Variants in PLOD2 observed in about 807,000 individuals in gnomAD.
The protein encoded by PLOD2 is procollagen-lysine,2-oxoglutarate 5-dioxygenase 2, also known as lysine hydroxylase 2.
A neutral mutation model predicts 101.0 loss-of-function variants in PLOD2; 65 were observed. That is an observed-to-expected ratio of 0.64 (90% CI 0.53 to 0.79). The LOEUF (loss-of-function observed/expected upper bound fraction) is 0.79, where lower values mean the gene tolerates loss of function less well. Among genes scored for constraint, PLOD2 ranks in the 30% least tolerant of loss-of-function variants. The pLI is 0.00. For synonymous variants in PLOD2, 314 were observed against 302.9 expected, an observed-to-expected ratio of 1.04 and a Z score of -0.38; for missense variants, 909 against 914.6, an observed-to-expected ratio of 0.99 and a Z score of 0.08.
chr3:146,079,792 C>A (rs2108007354), intron 12 of PLOD2, among the ~76,000 whole-genome samples: 1 of 152,036 alleles, frequency 6.6e-6, no homozygotes, highest in Middle Eastern at 3.4e-3. Context: ...CCTCCAAAAG[C>A]CAGTTGTTAC....
intron 15 of PLOD2, chr3:146,076,251 C>A (rs1392866300): frequency 3.3e-5 from 5 of 151,842 alleles, no homozygotes; most frequent in Non-Finnish European, 5.9e-5. Context: ...CCAGTTCTCT[C>A]CATGTTGCTG....
intron 8 of PLOD2, 116 bp from the exon 9 acceptor site, chr3:146,088,827 A>C: frequency 2.2e-6 from 2 of 908,138 alleles, no homozygotes; most frequent in Non-Finnish European, 3.4e-6. Context: ...ATTCAACATA[A>C]TCTGCTAAAT....
chr3:146,101,234 G>A (rs1319773181), intron 7 of PLOD2, among the ~76,000 whole-genome samples: 5 of 152,134 alleles, frequency 3.3e-5, no homozygotes, highest in African/African-American at 9.7e-5. Flanking sequence ...ATTCACTGAT[G>A]AGGAAATGAC....
chr3:146,076,846 G>C lies in PLOD2; in HGVS notation c.1613C>G (p.Ser538Cys), dbSNP rs201821424. 3 of 1,591,950 alleles carry C rather than the reference G, an allele frequency of 1.9e-6. No individual in the cohort carries two copies. In the African/African-American group the frequency reaches 4.0e-5, roughly 21 times the overall value. Residue 538 changes from serine (S) to cysteine (C), a missense_variant, in exon 15 of 20, where the codon TCC (serine) becomes TGC (cysteine). By Grantham distance (112) the Ser-to-Cys change is moderately radical. Coordinates refer to ENST00000282903, the MANE Select transcript of PLOD2 (RefSeq NM_182943.3). ...SNRHEFGRLL[S>C]TANYNTSHYN... ...ATGGGAAGTATTGTAATTAGCAGTG[G>C]ATAATAGCCTTCCAAATTCATGTCT...
chr3:146,136,373 T>C (rs2031229408), intron 1 of PLOD2, among the ~76,000 whole-genome samples: 1 of 152,170 alleles, frequency 6.6e-6, no homozygotes. Context: ...AGACCACAAG[T>C]GTAAAATTCT....
chr3:146,109,748 C>T (rs528612591), intron 4 of PLOD2, among the ~76,000 whole-genome samples: 11 of 152,166 alleles, frequency 7.2e-5, no homozygotes, highest in African/African-American at 1.9e-4. Flanking sequence ...TCCTTTAATC[C>T]GTGGTAGCAC....
rs754641635 is a variant in PLOD2, at chr3:146,071,110, G to A, written c.2053C>T (p.Arg685Cys). The part of the protein sequence containing the change: ...KYSPERQRSL[R>C]PHHDASTFTI... ...AATGTAGAAGCATCATGATGAGGAC[G>A]AAGAGAACGCTGTCGTTCAGGGGAG... Residue 685 changes from arginine to cysteine, a missense_variant, in exon 19 of 20, where the codon CGT (arginine) becomes TGT (cysteine). Arg to Cys is a radical substitution (Grantham distance 180, BLOSUM62 -3). Coordinates refer to ENST00000282903, the MANE Select transcript of PLOD2 (RefSeq NM_182943.3). 25 of 1,610,162 alleles carry A rather than the reference G, an allele frequency of 1.6e-5. No individual in the cohort carries two copies. Among genetic ancestry groups the A allele is most frequent in the South Asian group, 3.3e-5 (3 of 90,980 alleles).
At chr3:146,106,222 T>C (rs543629434) in intron 5 of PLOD2, among the ~76,000 whole-genome samples, 15 of 152,294 alleles carry the variant, frequency 9.8e-5, no homozygotes, top group East Asian at 3.9e-4. Flanking sequence ...CATTTCAATA[T>C]GTGTTTCAAT....
At chr3:146,122,869 T>C (rs1310589218) in intron 2 of PLOD2, among the ~76,000 whole-genome samples, 1 of 152,154 alleles carries the variant, frequency 6.6e-6, no homozygotes, top group African/African-American at 2.4e-5. Context: ...ATAAGAAACA[T>C]TCTACTCTCT....
Position 146,095,253 on chromosome 3 carries a change from A to G in PLOD2, c.778-3352T>C, listed in dbSNP as rs140489684. Among the ~76,000 whole-genome samples, 412 of 152,274 alleles carry G rather than the reference A, an allele frequency of 2.7e-3. 2 individuals carry two copies. Among genetic ancestry groups the G allele is most frequent in the African/African-American group, 9.5e-3 (394 of 41,542 alleles). On this transcript the variant is annotated intron_variant, in intron 7 of 19. Transcript: ENST00000282903. ...TAAACTAAGGAACTTCTGCTCTGCA[A>G]AAGAAACCATCATCAGAGTGAACAG...
chr3:146,077,746 T>C, intron 14 of PLOD2, 116 bp downstream of exon 14: 2 of 633,342 alleles, frequency 3.2e-6, no homozygotes, highest in Non-Finnish European at 5.5e-6. Flanking sequence ...CTGATGAAAA[T>C]CAACATTTTA....
chr3:146,121,103 T>C lies in PLOD2; in HGVS notation c.338+9A>G. On this transcript the variant is annotated intron_variant, in intron 3 of 19. Coordinates refer to ENST00000282903, the MANE Select transcript of PLOD2 (RefSeq NM_182943.3). ...ATAGATTTTAAAATCCACAGGGTGT[T>C]TCTCCTACCATTCAGTAAACATGAC... 4.4e-6 allele frequency: 7 copies of C among 1,575,134 alleles called. No homozygotes were observed. Among genetic ancestry groups the C allele is most frequent in the Non-Finnish European group, 6.1e-6 (7 of 1,144,744 alleles).
chr3:146,071,561 A>C (rs1936137587), intron 17 of PLOD2, 138 bp from the exon 18 acceptor site: 1 of 795,998 alleles, frequency 1.3e-6, no homozygotes, highest in African/African-American at 1.7e-5. Context: ...CATCTGCTTT[A>C]ACTGTAAAAT....
intron 3 of PLOD2, among the ~76,000 whole-genome samples, chr3:146,118,051 C>A (rs1380584309): frequency 6.6e-6 from 1 of 152,094 alleles, no homozygotes; most frequent in Admixed American, 6.6e-5. Flanking sequence ...GTAACTCTTA[C>A]AAGGAGAATC....
At chr3:146,072,518 C>A in intron 17 of PLOD2, 43 bp downstream of exon 17, 1 of 1,161,540 alleles carries the variant, frequency 8.6e-7, no homozygotes, top group Admixed American at 1.7e-5. Flanking sequence ...ATCTACTTAA[C>A]CCCCACATAC....
intron 3 of PLOD2, among the ~76,000 whole-genome samples, chr3:146,115,908 C>T (rs1485205953): frequency 6.6e-6 from 1 of 152,128 alleles, no homozygotes. Flanking sequence ...TTCAATAAAA[C>T]TTTTTACAAA....
At chr3:146,135,480 G>C (rs1034498842) in intron 1 of PLOD2, among the ~76,000 whole-genome samples, 2 of 152,066 alleles carry the variant, frequency 1.3e-5, no homozygotes, top group African/African-American at 4.8e-5. Context: ...TTTTTATGGA[G>C]TATATCCCAG....
At chr3:146,113,212 A>T (rs1937730192) in intron 3 of PLOD2, among the ~76,000 whole-genome samples, 1 of 152,218 alleles carries the variant, frequency 6.6e-6, no homozygotes, top group Admixed American at 6.5e-5. Flanking sequence ...AAGTTAAGAC[A>T]AAAGTTATCA....
intron 1 of PLOD2, among the ~76,000 whole-genome samples, chr3:146,145,958 C>T (rs991359143): frequency 2.6e-5 from 4 of 152,066 alleles, no homozygotes; most frequent in Non-Finnish European, 4.4e-5. Flanking sequence ...TGTACCATGC[C>T]GTCTCTTCCA....
Sources: allele counts gnomAD v4.1 joint callset (sites outside exome capture counted in the v4.1 genomes callset), GRCh38; gene constraint gnomAD v4.1.1; transcripts MANE v1.5; gene names NCBI Gene and HGNC (gene_info 2026-07-23, HGNC 2026-07-21).